Variants in ADH4 observed in about 807,000 individuals in gnomAD.
The protein encoded by ADH4 is all-trans-retinol dehydrogenase [NAD(+)] ADH4.
In ADH4, 31 loss-of-function variants were observed where a neutral mutation model predicts 35.2. The observed-to-expected ratio is 0.88, with a 90% confidence interval of 0.66 to 1.19. The LOEUF (loss-of-function observed/expected upper bound fraction) is 1.19, where lower values mean the gene tolerates loss of function less well. Among genes scored for constraint, ADH4 ranks in the 50% most tolerant of loss-of-function variants. ADH4 has a pLI of 0.00. For synonymous variants in ADH4, 171 were observed against 160.2 expected, an observed-to-expected ratio of 1.07 and a Z score of -0.51; for missense variants, 476 against 458.3, an observed-to-expected ratio of 1.04 and a Z score of -0.35.
intron 3 of ADH4, 37 bp from the exon 4 acceptor site, chr4:99,139,185 G>C: frequency 7.1e-7 from 1 of 1,417,184 alleles, no homozygotes; most frequent in Non-Finnish European, 9.9e-7. Context: ...GGTGCCTAAG[G>C]TGTTACTTAT....
intron 5 of ADH4, among the ~76,000 whole-genome samples, chr4:99,134,982 C>A (rs1163673227): frequency 3.3e-5 from 5 of 152,132 alleles, no homozygotes; most frequent in South Asian, 2.1e-4. Context: ...TTTATTTATT[C>A]ATTCGTTGAA....
rs756540364 is a variant in ADH4 at position 99,142,785 on chromosome 4, A to C, written c.19-5T>G. The C allele has an allele frequency of 1.3e-6, 2 of 1,593,192 alleles. No individual in the cohort carries two copies. The highest frequency in any genetic ancestry group is 1.7e-6 in the Non-Finnish European group (2 of 1,171,106). On this transcript the variant is annotated splice_region_variant and splice_polypyrimidine_tract_variant and intron_variant, in intron 1 of 8. Transcript: ENST00000265512. The stretch of plus-strand genomic sequence containing the variant: ...GGCTGCTTTGCATTTAATAACCTGA[A>C]AGAGAGAAAGAAAAGGAAGAGGGAG...
intron 8 of ADH4, among the ~76,000 whole-genome samples, chr4:99,126,279 C>G (rs1984361): frequency 0.98 from 148,729 of 152,222 alleles, 72,673 homozygotes; most frequent in Middle Eastern, 1. Context: ...GGGGTACACT[C>G]TACTAGAGGG....
intron 6 of ADH4, among the ~76,000 whole-genome samples, chr4:99,130,726 T>C (rs29001212): frequency 0.21 from 32,001 of 151,968 alleles, 4,039 homozygotes; most frequent in Non-Finnish European, 0.28. Flanking sequence ...GTCAGTGGGC[T>C]CCCAGCACAC....
At chr4:99,126,420 G>A (rs1273196896) in intron 8 of ADH4, among the ~76,000 whole-genome samples, 174 bp downstream of exon 8, 7 of 152,164 alleles carry the variant, frequency 4.6e-5, no homozygotes, top group Non-Finnish European at 8.8e-5. Flanking sequence ...GTGCATTATT[G>A]AAATGGAAGG....
chr4:99,127,438 C>A, intron 6 of ADH4, 94 bp from the exon 7 acceptor site: 2 of 992,678 alleles, frequency 2.0e-6, no homozygotes, highest in Non-Finnish European at 2.9e-6. Context: ...AAAAATTAAT[C>A]CAACTCTGCA....
intron 7 of ADH4, among the ~76,000 whole-genome samples, chr4:99,126,940 A>G (rs29001221): frequency 0.045 from 6,895 of 152,130 alleles, 492 homozygotes; most frequent in African/African-American, 0.15. Flanking sequence ...ACTCTATATA[A>G]GAAATTATCT....
intron 3 of ADH4, among the ~76,000 whole-genome samples, chr4:99,140,853 CA>C (rs1243433542): frequency 7.3e-6 from 1 of 136,058 alleles, no homozygotes; most frequent in African/African-American, 2.8e-5. Context: ...GGTGACAGAG[CA>C]AGGCTCCATC....
At chr4:99,140,438 A>G (rs143896230) in intron 3 of ADH4, among the ~76,000 whole-genome samples, 2,755 of 152,028 alleles carry the variant, frequency 0.018, 79 homozygotes, top group African/African-American at 0.061. Context: ...GCCAGATGTG[A>G]TGGCTCATGC....
intron 7 of ADH4, among the ~76,000 whole-genome samples, 155 bp downstream of exon 7, chr4:99,127,054 A>G (rs1729117373): frequency 6.6e-6 from 1 of 151,964 alleles, no homozygotes; most frequent in Non-Finnish European, 1.5e-5. Flanking sequence ...TAAATTATTT[A>G]TAAGTCATTA....
In ADH4 at chr4:99,126,576, C is replaced by A. The variant is rs759019192; in HGVS notation, c.1118+18G>T. 7 of 1,566,338 alleles carry A rather than the reference C, an allele frequency of 4.5e-6. No individual in the cohort carries two copies. Among genetic ancestry groups the A allele is most frequent in the South Asian group, 1.2e-5 (1 of 85,578 alleles). ...GTAAACGTTTTTTAAATCATTCAGT[C>A]ATCTATTAGTAATGTACCTTTTTCC... On this transcript the variant is annotated intron_variant, in intron 8 of 8. Coordinates refer to ENST00000265512, the MANE Select transcript of ADH4 (RefSeq NM_000670.5).
At position 99,142,708 on chromosome 4, in the gene ADH4, G is replaced by C; in HGVS notation, c.91C>G (p.Pro31Ala). 6.2e-7 allele frequency: 1 copy of C among 1,601,654 alleles called. No individual in the cohort carries two copies. The highest frequency in any genetic ancestry group is 8.5e-7 in the Non-Finnish European group (1 of 1,175,510). ...PLCIEEVEVA[P>A]PKAHEVRIQI... ...ATGCGAACTTCATGAGCCTTGGGGG[G>C]AGCTACTTCAACCTCTTCAATGCAA... The change falls in exon 2 of 9, where the codon CCC (proline) becomes GCC (alanine). Residue 31 changes from proline (P) to alanine (A), a missense_variant. Pro to Ala is a conservative substitution (Grantham distance 27, BLOSUM62 -1). Transcript: ENST00000265512.
intron 6 of ADH4, among the ~76,000 whole-genome samples, chr4:99,128,285 A>C (rs1240767664): frequency 6.6e-6 from 1 of 152,130 alleles, no homozygotes; most frequent in African/African-American, 2.4e-5. Flanking sequence ...AAATACAAAA[A>C]AGTAGCCAGA....
chr4:99,142,993 G>C (rs1434558666), intron 1 of ADH4: 4 of 647,456 alleles, frequency 6.2e-6, no homozygotes, highest in Non-Finnish European at 1.1e-5. Context: ...CTACATTATA[G>C]TCATTACATT....
At chr4:99,130,561 TAAATA>T (rs745972856) in intron 6 of ADH4, among the ~76,000 whole-genome samples, 6 of 152,320 alleles carry the variant, frequency 3.9e-5, no homozygotes, top group Non-Finnish European at 8.8e-5. Context: ...TTTTGGTGAT[TAAATA>T]AATCTTTCTC....
rs1164184991 is a variant in ADH4, at chr4:99,139,123, T to C, written c.288A>G (p.Ala96=). The stretch of plus-strand genomic sequence containing the variant: ...AAAACTTGCATTTTCTACATAGAGG[T>C]GCATAAAGTGGAATTACTTTGTCAC... The part of the protein sequence containing the change: ...KPGDKVIPLY[A]PLCRKCKFCL... The change falls in exon 4 of 9, where the codon GCA becomes GCG. Residue 96 remains alanine, a synonymous_variant. Coordinates refer to ENST00000265512, the MANE Select transcript of ADH4 (RefSeq NM_000670.5). 1 of 1,613,116 alleles carries C rather than the reference T, an allele frequency of 6.2e-7. No individual in the cohort carries two copies. Among genetic ancestry groups the C allele is most frequent in the African/African-American group, 1.3e-5 (1 of 74,896 alleles).
chr4:99,126,594 CT>C lies in ADH4; in HGVS notation c.1117del (p.Ser373AlafsTer33). On this transcript the variant is annotated frameshift_variant and splice_region_variant, in exon 8 of 9. Coordinates refer to ENST00000265512, the MANE Select transcript of ADH4 (RefSeq NM_000670.5). LOFTEE classifies it high-confidence loss of function. The part of the protein sequence containing the change: ...EAFDLMNQGK[S>X]VRTILIF Reference sequence around the variant, plus strand: ...ATTCAGTCATCTATTAGTAATGTACCTTTTTCCTTGGTTCATTAGGTCAAAT... The same window carrying C: ...ATTCAGTCATCTATTAGTAATGTACCTTTTCCTTGGTTCATTAGGTCAAAT... 3.1e-6 allele frequency: 5 copies of C among 1,602,228 alleles called. No individual in the cohort carries two copies. The highest frequency in any genetic ancestry group is 1.1e-5 in the South Asian group (1 of 89,618).
chr4:99,135,258 GTC>G (rs1269380437), intron 5 of ADH4, among the ~76,000 whole-genome samples: 1 of 151,878 alleles, frequency 6.6e-6, no homozygotes, highest in Non-Finnish European at 1.5e-5. Context: ...GGGAGACCCT[GTC>G]TCTATAAAAA....
intron 5 of ADH4, among the ~76,000 whole-genome samples, chr4:99,134,397 C>T (rs1279948151): frequency 1.3e-5 from 2 of 148,562 alleles, no homozygotes; most frequent in East Asian, 1.9e-4. Context: ...TATATCAAAA[C>T]GTTAATTGCA....
Sources: gnomAD v4.1 joint callset for allele counts (sites outside exome capture counted in the v4.1 genomes callset) on GRCh38, gnomAD v4.1.1 for gene constraint, MANE v1.5 for transcripts, NCBI Gene and HGNC (gene_info 2026-07-23, HGNC 2026-07-21) for gene names.